GASK1A: variants seen among roughly 807,000 people sequenced by gnomAD.
The protein encoded by GASK1A is golgi associated kinase 1A, also known as Golgi-associated kinase 1A.
A neutral mutation model predicts 41.2 loss-of-function variants in GASK1A; 40 were observed. The ratio of observed to expected loss-of-function variants is 0.97; its 90% CI spans 0.75 to 1.27. The LOEUF (loss-of-function observed/expected upper bound fraction) is 1.27, where lower values mean the gene tolerates loss of function less well. GASK1A is among the 50% of genes most tolerant of loss of function. The pLI is 0.00. For missense variants in GASK1A, 678 were observed against 745.1 expected, an observed-to-expected ratio of 0.91 and a Z score of 1.05; for synonymous variants, 316 against 307.1, an observed-to-expected ratio of 1.03 and a Z score of -0.30.
At chr3:43,041,613 A>G (rs1411911564) in intron 2 of GASK1A, among the ~76,000 whole-genome samples, 1 of 152,074 alleles carries the variant, frequency 6.6e-6, no homozygotes, top group African/African-American at 2.4e-5. Context: ...TCTGCATATT[A>G]ACTTTGCCAC....
chr3:43,017,620 A>G (rs1442219989), intron 1 of GASK1A, among the ~76,000 whole-genome samples: 29 of 118,866 alleles, frequency 2.4e-4, no homozygotes, highest in South Asian at 9.2e-4. Flanking sequence ...GGAAGGGGCA[A>G]TGGGAAGTCA....
chr3:42,990,611 T>C lies in GASK1A; in HGVS notation c.3+10966T>C, dbSNP rs80168451. ...TAGGCCCCTCGGGAATTCCGAGTCT[T>C]GGGGAGGATGGGGGGCAGCCTACTT... On this transcript the variant is annotated intron_variant, in intron 1 of 4. Transcript: ENST00000430121. Among the ~76,000 whole-genome samples, 1,218 of 152,220 alleles carry C rather than the reference T, an allele frequency of 8.0e-3. 16 individuals are homozygous for C. Among genetic ancestry groups the C allele is most frequent in the African/African-American group, 0.028 (1,174 of 41,520 alleles).
Position 43,056,198 on chromosome 3 carries a change from G to T in GASK1A, c.1540G>T (p.Val514Phe). The T allele has an allele frequency of 1.3e-6, 2 of 1,551,450 alleles. No individual in the cohort carries two copies. Among genetic ancestry groups the T allele is most frequent in the South Asian group, 2.4e-5 (2 of 84,044 alleles). Reference sequence around the variant, plus strand: ...CAGGTTTCCTGAGTCTGCCGTGAAGGTTCTCGCATCAGGGTGTCTACAGAA... The same window carrying T: ...CAGGTTTCCTGAGTCTGCCGTGAAGTTTCTCGCATCAGGGTGTCTACAGAA... ...IDGFPESAVK[V>F]LASGCLQNML... Residue 514 changes from valine (V) to phenylalanine (F), a missense_variant, in exon 5 of 5, where the codon GTT (valine) becomes TTT (phenylalanine). By Grantham distance (50) the Val-to-Phe change is conservative. Transcript: ENST00000430121.
intron 1 of GASK1A, among the ~76,000 whole-genome samples, chr3:43,005,664 G>C (rs1441894442): frequency 6.6e-6 from 1 of 152,150 alleles, no homozygotes; most frequent in African/African-American, 2.4e-5. Flanking sequence ...TCATTTAAGT[G>C]AGAAGATGAA....
At chr3:42,997,007 A>T (rs939614687) in intron 1 of GASK1A, among the ~76,000 whole-genome samples, 4 of 152,226 alleles carry the variant, frequency 2.6e-5, no homozygotes, top group African/African-American at 9.6e-5. Flanking sequence ...CCCTGTGCAG[A>T]ACTGCACATC....
intron 2 of GASK1A, among the ~76,000 whole-genome samples, chr3:43,034,200 G>C (rs188432429): frequency 9.8e-5 from 15 of 152,332 alleles, no homozygotes; most frequent in Admixed American, 7.2e-4. Context: ...GAGAGGTGGA[G>C]ATAGCGATGG....
intron 3 of GASK1A, among the ~76,000 whole-genome samples, chr3:43,055,059 C>T (rs1444271426): frequency 6.6e-6 from 1 of 152,226 alleles, no homozygotes; most frequent in Non-Finnish European, 1.5e-5. Flanking sequence ...AGTCCTTTGG[C>T]CTTGCGATTT....
At chr3:43,027,479 T>C (rs2089552095) in intron 1 of GASK1A, among the ~76,000 whole-genome samples, 1 of 152,102 alleles carries the variant, frequency 6.6e-6, no homozygotes. Flanking sequence ...CTGAGAAATA[T>C]ATAGAAATGT....
chr3:42,985,586 TGG>T (rs1553613311), intron 1 of GASK1A, among the ~76,000 whole-genome samples: 7 of 144,250 alleles, frequency 4.9e-5, no homozygotes, highest in East Asian at 2.2e-4. Context: ...TGTGTGTGTG[TGG>T]GCGGAGGCAG....
At chr3:42,980,859 C>T (rs949578441) in intron 1 of GASK1A, among the ~76,000 whole-genome samples, 1 of 152,118 alleles carries the variant, frequency 6.6e-6, no homozygotes, top group Non-Finnish European at 1.5e-5. Context: ...GGATGTGAAA[C>T]GAAAAGTGTG....
intron 1 of GASK1A, among the ~76,000 whole-genome samples, chr3:42,988,462 G>A (rs1161088671): frequency 2.6e-5 from 4 of 152,110 alleles, no homozygotes; most frequent in East Asian, 1.9e-4. Context: ...CCAAAGAACC[G>A]GTCAAAAACA....
intron 1 of GASK1A, among the ~76,000 whole-genome samples, chr3:43,006,813 C>T (rs1478969035): frequency 1.3e-5 from 2 of 152,198 alleles, no homozygotes; most frequent in Non-Finnish European, 2.9e-5. Context: ...TATTATCAAG[C>T]TGGCTGCTGC....
At position 43,057,645 on chromosome 3, in the gene GASK1A, C is replaced by T. The variant is rs2089722900; in HGVS notation, c.*1259C>T. ...CTTTGCTTGTTAATTTGTTGGAAAT[C>T]TTTGACTCTAATAAGTGTGATCAAT... On this transcript the variant is annotated 3_prime_UTR_variant, in exon 5 of 5. Coordinates refer to ENST00000430121, the MANE Select transcript of GASK1A (RefSeq NM_001129908.3). 1 of 152,126 alleles carries T rather than the reference C, an allele frequency of 6.6e-6. No homozygotes were observed. The highest frequency in any genetic ancestry group is 1.5e-5 in the Non-Finnish European group (1 of 68,024). 9.4% of individuals were successfully genotyped at this position (152,126 alleles called of 1,614,324 possible). A position where few individuals can be genotyped will look rare whatever the true frequency, so the allele number is the denominator to read the frequency against.
chr3:43,026,594 G>T (rs1464077493), intron 1 of GASK1A, among the ~76,000 whole-genome samples: 1 of 152,168 alleles, frequency 6.6e-6, no homozygotes, highest in African/African-American at 2.4e-5. Context: ...AAAATGGAAA[G>T]ATGTGAAATA....
chr3:43,028,825 A>C (rs2089560740), intron 1 of GASK1A, among the ~76,000 whole-genome samples: 1 of 152,172 alleles, frequency 6.6e-6, no homozygotes, highest in South Asian at 2.1e-4. Context: ...TGAGGGGGAC[A>C]TCAGAAGCAT....
intron 1 of GASK1A, among the ~76,000 whole-genome samples, chr3:42,981,814 A>C (rs890464498): frequency 1.3e-5 from 2 of 152,206 alleles, no homozygotes; most frequent in Non-Finnish European, 2.9e-5. Flanking sequence ...ATGCTATATC[A>C]TTTCCCATTA....
chr3:42,980,741 G>A (rs2089278718), intron 1 of GASK1A, among the ~76,000 whole-genome samples: 1 of 151,992 alleles, frequency 6.6e-6, no homozygotes, highest in Admixed American at 6.6e-5. Flanking sequence ...GTGTGTGTAT[G>A]TTTCACCCCT....
chr3:43,014,303 T>C, intron 1 of GASK1A, among the ~76,000 whole-genome samples: 1 of 151,302 alleles, frequency 6.6e-6, no homozygotes, highest in Non-Finnish European at 1.5e-5. Flanking sequence ...GGGAAGGGGC[T>C]GTCTGAAGTC....
At chr3:43,047,109 T>A (rs553046183) in intron 2 of GASK1A, among the ~76,000 whole-genome samples, 1 of 152,318 alleles carries the variant, frequency 6.6e-6, no homozygotes, top group Admixed American at 6.5e-5. Context: ...TGGGGCTGCC[T>A]GATGGAGCTG....
Sources: gnomAD v4.1 joint callset for allele counts (sites outside exome capture counted in the v4.1 genomes callset) on GRCh38, gnomAD v4.1.1 for gene constraint, MANE v1.5 for transcripts, NCBI Gene and HGNC (gene_info 2026-07-23, HGNC 2026-07-21) for gene names.